The following NWD2 variants were observed in gnomAD, a reference collection of about 807,000 sequenced individuals.
NWD2 encodes NACHT and WD repeat domain containing 2, also known as NACHT and WD repeat domain-containing protein 2.
A neutral mutation model predicts 132.7 loss-of-function variants in NWD2; 37 were observed. The observed-to-expected ratio is 0.28, with a 90% CI of 0.21 to 0.37. The LOEUF is 0.37. NWD2 is among the 10% of genes least tolerant of loss of function. The pLI is 1.00. For missense variants in NWD2, 1,592 were observed against 2,122.4 expected (o/e 0.75, Z 4.91); for synonymous variants, 705 against 803.0 (o/e 0.88, Z 2.06).
At chr4:37,425,768 T>G (rs1401997298) in intron 3 of NWD2, among the ~76,000 whole-genome samples, 1 of 152,166 alleles carries the variant, frequency 6.6e-6, no homozygotes, top group African/African-American at 2.4e-5. Context: ...CAGAAGGATG[T>G]GGAAAATCTG....
intron 1 of NWD2, among the ~76,000 whole-genome samples, chr4:37,257,874 A>G (rs1198991976): frequency 6.6e-6 from 1 of 152,182 alleles, no homozygotes; most frequent in East Asian, 1.9e-4. Flanking sequence ...AAAAAGGACA[A>G]CTCTTTTGAA....
chr4:37,411,030 C>G (rs1721144943), intron 3 of NWD2, among the ~76,000 whole-genome samples: 1 of 152,088 alleles, frequency 6.6e-6, no homozygotes, highest in South Asian at 2.1e-4. Context: ...TAAATGCCCA[C>G]AAGAGAGTGT....
chr4:37,423,909 G>A (rs775922169), intron 3 of NWD2, among the ~76,000 whole-genome samples: 1 of 152,126 alleles, frequency 6.6e-6, no homozygotes, highest in Non-Finnish European at 1.5e-5. Context: ...TCTTATGTTT[G>A]TATTACAAAT....
intron 1 of NWD2, among the ~76,000 whole-genome samples, chr4:37,297,069 A>C (rs1718510056): frequency 6.6e-6 from 1 of 152,070 alleles, no homozygotes; most frequent in Non-Finnish European, 1.5e-5. Context: ...ATTTTACCAC[A>C]TTTGCTTTAT....
At chr4:37,281,485 A>G (rs1366020014) in intron 1 of NWD2, among the ~76,000 whole-genome samples, 1 of 152,146 alleles carries the variant, frequency 6.6e-6, no homozygotes, top group Non-Finnish European at 1.5e-5. Flanking sequence ...GTCTCTATGA[A>G]CCTATTAAGG....
chr4:37,342,263 C>G (rs562879640), intron 2 of NWD2, among the ~76,000 whole-genome samples: 1 of 152,064 alleles, frequency 6.6e-6, no homozygotes, highest in Non-Finnish European at 1.5e-5. Context: ...GGCAGCTCCT[C>G]CTTTCTCTCT....
intron 1 of NWD2, among the ~76,000 whole-genome samples, chr4:37,298,634 A>T (rs1718549588): frequency 6.6e-6 from 1 of 152,110 alleles, no homozygotes; most frequent in African/African-American, 2.4e-5. Context: ...TTGCTAAGTG[A>T]TAGATGTAAA....
chr4:37,309,405 G>A (rs1718782344), intron 1 of NWD2, among the ~76,000 whole-genome samples: 1 of 152,146 alleles, frequency 6.6e-6, no homozygotes, highest in East Asian at 1.9e-4. Flanking sequence ...TGCCTCAGGT[G>A]CTGAGTTCAC....
intron 3 of NWD2, among the ~76,000 whole-genome samples, chr4:37,374,343 C>A (rs1241151714): frequency 6.6e-6 from 1 of 152,168 alleles, no homozygotes; most frequent in Admixed American, 6.5e-5. Context: ...TGTTGTACAG[C>A]CTGCAGAACA....
At chr4:37,302,031 C>A (rs1053500128) in intron 1 of NWD2, among the ~76,000 whole-genome samples, 4 of 151,972 alleles carry the variant, frequency 2.6e-5, no homozygotes, top group African/African-American at 9.7e-5. Context: ...ACTATAGTCT[C>A]CCTAAAGTAC....
In NWD2 at chr4:37,255,754, AC is replaced by A. The variant is rs557981802; in HGVS notation, c.151+10539del. 2.5e-3 allele frequency among the ~76,000 whole-genome samples: 388 copies of A among 152,240 alleles called. 2 individuals are homozygous for A. The highest frequency in any genetic ancestry group is 8.8e-3 in the African/African-American group (366 of 41,552). The stretch of plus-strand genomic sequence containing the variant: ...GTACAAATCTGCTCTTGGGATTAGA[AC>A]CCAAGGCCAGAACTGCAGCCTGAGT... On this transcript the variant is annotated intron_variant, in intron 1 of 6. Transcript: ENST00000309447.
chr4:37,306,126 T>C (rs969630734), intron 1 of NWD2, among the ~76,000 whole-genome samples: 19 of 152,138 alleles, frequency 1.2e-4, no homozygotes, highest in Non-Finnish European at 2.4e-4. Flanking sequence ...ATTTTGTTTG[T>C]GTAGCATTAT....
chr4:37,279,646 T>C (rs1477842285), intron 1 of NWD2, among the ~76,000 whole-genome samples: 4 of 152,206 alleles, frequency 2.6e-5, no homozygotes, highest in Non-Finnish European at 5.9e-5. Context: ...AAATCAGTTA[T>C]GGTATTGCAG....
intron 3 of NWD2, among the ~76,000 whole-genome samples, chr4:37,371,886 TA>T (rs1720235539): frequency 6.6e-6 from 1 of 152,334 alleles, no homozygotes; most frequent in East Asian, 1.9e-4. Flanking sequence ...CATTTTTTTC[TA>T]GAGTGAAGCA....
chr4:37,422,622 A>G (rs1221193409), intron 3 of NWD2, among the ~76,000 whole-genome samples: 1 of 152,178 alleles, frequency 6.6e-6, no homozygotes, highest in Admixed American at 6.5e-5. Context: ...TCTATAAACT[A>G]TGTTTATATA....
At chr4:37,338,366 T>A (rs945771101) in intron 2 of NWD2, among the ~76,000 whole-genome samples, 10 of 152,222 alleles carry the variant, frequency 6.6e-5, no homozygotes, top group African/African-American at 2.4e-4. Flanking sequence ...AGATGTCTTC[T>A]TAGGGAAAAG....
chr4:37,297,234 T>C (rs1034128676), intron 1 of NWD2, among the ~76,000 whole-genome samples: 4 of 152,194 alleles, frequency 2.6e-5, no homozygotes, highest in Non-Finnish European at 5.9e-5. Context: ...AATATTTGAA[T>C]ATAACCTACA....
At chr4:37,330,637 T>A (rs780228452) in intron 2 of NWD2, among the ~76,000 whole-genome samples, 2 of 152,216 alleles carry the variant, frequency 1.3e-5, no homozygotes, top group Non-Finnish European at 1.5e-5. Context: ...TTTTCCCGCT[T>A]ACCCCTAGTA....
Position 37,314,194 on chromosome 4 carries a change from T to C in NWD2, c.152-11742T>C, listed in dbSNP as rs147232985. ...TATGCAGCTAGACTTAGTTTACTAATAGTTTGTTAAGGACTTTGCATCTAT... is the reference window on the plus strand; with the variant it reads ...TATGCAGCTAGACTTAGTTTACTAACAGTTTGTTAAGGACTTTGCATCTAT... On this transcript the variant is annotated intron_variant, in intron 1 of 6. Coordinates refer to ENST00000309447, the MANE Select transcript of NWD2 (RefSeq NM_001144990.2). Among the ~76,000 whole-genome samples the C allele has an allele frequency of 4.9e-3, 745 of 152,338 alleles. 4 individuals are homozygous for C. Among genetic ancestry groups the C allele is most frequent in the African/African-American group, 0.017 (693 of 41,568 alleles).
Sources: allele counts gnomAD v4.1 joint callset (sites outside exome capture counted in the v4.1 genomes callset), GRCh38; gene constraint gnomAD v4.1.1; transcripts MANE v1.5; gene names NCBI Gene and HGNC (gene_info 2026-07-23, HGNC 2026-07-21).